CTC1: variants seen among roughly 807,000 people sequenced by gnomAD.
The protein encoded by CTC1 is CST telomere replication complex component 1.
In CTC1, 91 loss-of-function variants were observed where a neutral mutation model predicts 136.3. The ratio of observed to expected loss-of-function variants is 0.67; its 90% confidence interval spans 0.56 to 0.79. The LOEUF is 0.79. CTC1 is among the 30% of genes least tolerant of loss of function. CTC1 has a pLI of 0.00. For missense variants in CTC1, 1,432 were observed against 1,498.1 expected, an observed-to-expected ratio of 0.96 and a Z score of 0.73; for synonymous variants, 606 against 613.8, an observed-to-expected ratio of 0.99 and a Z score of 0.19.
At chr17:8,246,206 CAAAAAAAAAAAA>C (rs57484918) in intron 1 of CTC1, among the ~76,000 whole-genome samples, 5 of 87,326 alleles carry the variant, frequency 5.7e-5, no homozygotes, top group Non-Finnish European at 8.7e-5. Flanking sequence ...GACCTTGTTT[CAAAAAAAAAAAA>C]AAAAAAAAAA....
chr17:8,246,693 T>C (rs1474373669), intron 1 of CTC1, among the ~76,000 whole-genome samples: 1 of 151,942 alleles, frequency 6.6e-6, no homozygotes, highest in Non-Finnish European at 1.5e-5. Context: ...GAGACCATCC[T>C]GGCTAACATG....
At chr17:8,244,415 T>C (rs754580578) in intron 1 of CTC1, among the ~76,000 whole-genome samples, 2 of 152,180 alleles carry the variant, frequency 1.3e-5, no homozygotes, top group African/African-American at 2.4e-5. Flanking sequence ...TTTAACACAC[T>C]TGGCAGTAGG....
In CTC1 at chr17:8,234,122, T is replaced by C. The variant is rs1439294173; in HGVS notation, c.1818+333A>G. 3.3e-5 allele frequency among the ~76,000 whole-genome samples: 5 copies of C among 152,258 alleles called. No individual in the cohort carries two copies. The South Asian group carries it at 6.2e-4, about 19-fold the overall frequency. On this transcript the variant is annotated intron_variant, in intron 10 of 22. Transcript: ENST00000651323. ...TCAGCCTCCTGAGTAGCTGGGACCATAGGCACATGCCACCGCACCTAATTA... is the reference window on the plus strand; with the variant it reads ...TCAGCCTCCTGAGTAGCTGGGACCACAGGCACATGCCACCGCACCTAATTA...
rs2151499073 is a variant in CTC1 at position 8,228,883 on chromosome 17, C to T, written c.3231G>A (p.Val1077=). 1 of 1,612,850 alleles carries T rather than the reference C, an allele frequency of 6.2e-7. No individual in the cohort carries two copies. ...AISQAIIRLL[V]EDGTAEAVVT... is the part of the protein sequence containing the mutation. ...CCACGGCTTCGGCAGTCCCATCCTC[C>T]ACCAGGAGCCTATGGGGAGCAGGAG... The change falls in exon 21 of 23, where the codon GTG becomes GTA. Residue 1077 remains valine (V), a synonymous_variant. Transcript: ENST00000651323.
chr17:8,243,662 T>C (rs933235422), intron 1 of CTC1, among the ~76,000 whole-genome samples: 2 of 152,250 alleles, frequency 1.3e-5, no homozygotes, highest in Non-Finnish European at 2.9e-5. Flanking sequence ...GTCTTGCCCC[T>C]TTCTCTAACA....
chr17:8,246,004 A>G (rs1232200727), intron 1 of CTC1, among the ~76,000 whole-genome samples: 1 of 149,492 alleles, frequency 6.7e-6, no homozygotes, highest in Non-Finnish European at 1.5e-5. Context: ...GGGAAGGTTG[A>G]GACCCGCCTG....
intron 1 of CTC1, among the ~76,000 whole-genome samples, chr17:8,244,371 G>A (rs1329876978): frequency 6.6e-6 from 1 of 152,176 alleles, no homozygotes; most frequent in Non-Finnish European, 1.5e-5. Context: ...TTAGGGAAAA[G>A]GACCAGTTTG....
intron 1 of CTC1, among the ~76,000 whole-genome samples, chr17:8,245,777 G>T (rs1316561770): frequency 6.6e-6 from 1 of 152,044 alleles, no homozygotes; most frequent in African/African-American, 2.4e-5. Context: ...CTACAAAAAA[G>T]AAAAATTAGC....
chr17:8,239,072 A>G (rs745562539), intron 2 of CTC1, among the ~76,000 whole-genome samples: 57 of 148,892 alleles, frequency 3.8e-4, no homozygotes, highest in Non-Finnish European at 7.0e-4. Flanking sequence ...AGCTTGGGCA[A>G]CAGAGTGAGA....
chr17:8,232,069 G>T lies in CTC1; in HGVS notation c.2219C>A (p.Ala740Asp). The change falls in exon 13 of 23, where the codon GCC becomes GAC. Residue 740 changes from alanine (A) to aspartate (D), a missense_variant. By Grantham distance (126) the Ala-to-Asp change is moderately radical. Transcript: ENST00000651323. The part of the protein sequence containing the change: ...SRLFLLCHKE[A>D]LMKRNFCVPP... ...GACACAAAAATTACGCTTCATGAGG[G>T]CCTCCTTGTGGCAGAGCAAGAAGAG... 2 of 1,561,872 alleles carry T rather than the reference G, an allele frequency of 1.3e-6. No homozygotes were observed. The highest frequency in any genetic ancestry group is 1.7e-6 in the Non-Finnish European group (2 of 1,159,250).
chr17:8,233,374 T>A (rs1987412867), intron 10 of CTC1: 2 of 210,322 alleles, frequency 9.5e-6, no homozygotes, highest in Admixed American at 1.1e-4. Flanking sequence ...CCTGTAATCC[T>A]AGCACTTTGG....
chr17:8,228,643 G>A lies in CTC1; in HGVS notation c.3388-14C>T. 1 of 1,614,160 alleles carries A rather than the reference G, an allele frequency of 6.2e-7. No homozygotes were observed. The highest frequency in any genetic ancestry group is 8.5e-7 in the Non-Finnish European group (1 of 1,180,026). ...CCTGGCTGAAGACTAGAAAGAGAAG[G>A]TCAAGGTTAACTGGCTCCTAAACCC... On this transcript the variant is annotated splice_polypyrimidine_tract_variant and intron_variant, in intron 21 of 22. Transcript: ENST00000651323.
At position 8,232,440 on chromosome 17, in the gene CTC1, C is replaced by A. The variant is rs534923467; in HGVS notation, c.1981G>T (p.Val661Leu). 1 of 1,614,130 alleles carries A rather than the reference C, an allele frequency of 6.2e-7. No homozygotes were observed. Among genetic ancestry groups the A allele is most frequent in the South Asian group, 1.1e-5 (1 of 91,082 alleles). The part of the protein sequence containing the change: ...LVRAERFQLI[V>L]ERDVRSSFPS... The stretch of plus-strand genomic sequence containing the variant: ...AAGCTGCTTCTCACGTCCCTCTCTA[C>A]GATCAACTGAAACCTCTCTGCCCGC... The change falls in exon 12 of 23, where the codon GTA becomes TTA. Residue 661 changes from valine (V) to leucine (L), a missense_variant. Val to Leu is a conservative substitution (Grantham distance 32). Transcript: ENST00000651323.
chr17:8,226,345 GA>G lies in CTC1; in HGVS notation c.*1834del, dbSNP rs1206249332. 6.6e-6 allele frequency: 1 copy of G among 152,158 alleles called. No individual in the cohort carries two copies. Among genetic ancestry groups the G allele is most frequent in the Admixed American group, 6.6e-5 (1 of 15,264 alleles). 9.4% of individuals were successfully genotyped at this position (152,158 alleles called of 1,614,324 possible). ...AAAGGTTCCTGAAATTCATCTACAA[GA>G]ATATAGAGCTAGGAACCCGGACCGA... On this transcript the variant is annotated 3_prime_UTR_variant, in exon 23 of 23. Transcript: ENST00000651323.
rs757849997 is a variant in CTC1, at chr17:8,232,423, T to G, written c.1998A>C (p.Arg666Ser). ...GCTCCTTCCAGGAAGGGAAGCTGCT[T>G]CTCACGTCCCTCTCTACGATCAACT... is the stretch of plus-strand genomic sequence containing the variant. The part of the protein sequence containing the change: ...RFQLIVERDV[R>S]SSFPSWKELS... The change falls in exon 12 of 23, where the codon AGA (arginine) becomes AGC (serine). Residue 666 changes from arginine (R) to serine (S), a missense_variant. Arg to Ser is a moderately radical substitution (Grantham distance 110, BLOSUM62 -1). Transcript: ENST00000651323. 1 of 1,614,108 alleles carries G rather than the reference T, an allele frequency of 6.2e-7. No individual in the cohort carries two copies. Among genetic ancestry groups the G allele is most frequent in the Admixed American group, 1.7e-5 (1 of 60,014 alleles).
Position 8,238,432 on chromosome 17 carries a change from C to A in CTC1, c.395G>T (p.Ser132Ile). The A allele has an allele frequency of 6.2e-7, 1 of 1,614,196 alleles. No individual in the cohort carries two copies. The highest frequency in any genetic ancestry group is 8.5e-7 in the Non-Finnish European group (1 of 1,180,028). Reference protein sequence around the residue: ...ADLEQECRNGSLYVRDNTGVL... With the variant: ...ADLEQECRNGILYVRDNTGVL... ...GCCAGTGTTATCTCTCACATAGAGG[C>A]TTCCGTTCCTGCACTCTTGTTCCAA... The change falls in exon 3 of 23, where the codon AGC becomes ATC. Residue 132 changes from serine (S) to isoleucine (I), a missense_variant. Coordinates refer to ENST00000651323, the MANE Select transcript of CTC1 (RefSeq NM_025099.6).
intron 9 of CTC1, 31 bp downstream of exon 9, chr17:8,234,718 C>A: frequency 6.3e-7 from 1 of 1,581,084 alleles, no homozygotes; most frequent in Non-Finnish European, 8.6e-7. Flanking sequence ...CTCCAGTGTT[C>A]TGCCACCATC....
intron 17 of CTC1, 129 bp from the exon 18 acceptor site, chr17:8,230,097 C>A: frequency 9.6e-7 from 1 of 1,040,616 alleles, no homozygotes; most frequent in Non-Finnish European, 1.4e-6. Flanking sequence ...CATGGCTCTA[C>A]CAAAGCTAGG....
rs745512137 is a variant in CTC1 at position 8,228,591 on chromosome 17, G to A, written c.3426C>T (p.Leu1142=). 62 of 1,614,064 alleles carry A rather than the reference G, an allele frequency of 3.8e-5. No individual in the cohort carries two copies. Among genetic ancestry groups the A allele is most frequent in the Non-Finnish European group, 4.2e-6 (5 of 1,180,040 alleles). The stretch of plus-strand genomic sequence containing the variant: ...CAGAGGGGCTAGTACAAAGTGTCCA[G>A]AGGAACATGGTCATGGGCTCGTCAA... ...ARVDEPMTMF[L]WTLCTSPSVL... Residue 1142 remains leucine, a synonymous_variant, in exon 22 of 23, where the codon CTC becomes CTT. Coordinates refer to ENST00000651323, the MANE Select transcript of CTC1 (RefSeq NM_025099.6).
Sources: gnomAD v4.1 joint callset for allele counts (sites outside exome capture counted in the v4.1 genomes callset) on GRCh38, gnomAD v4.1.1 for gene constraint, MANE v1.5 for transcripts, NCBI Gene and HGNC (gene_info 2026-07-23, HGNC 2026-07-21) for gene names.